TTN: variants seen among roughly 807,000 people sequenced by gnomAD.
TTN encodes titin, also known as connectin.
In TTN, 1,525 loss-of-function variants were observed where a neutral mutation model predicts 3,223.0. The ratio of observed to expected loss-of-function variants is 0.47; its 90% CI spans 0.45 to 0.49. The LOEUF (loss-of-function observed/expected upper bound fraction) is 0.49, where lower values mean the gene tolerates loss of function less well. Among genes scored for constraint, TTN ranks in the 20% least tolerant of loss-of-function variants. TTN has a pLI of 0.00. For missense variants in TTN, 40,786 were observed against 43,424.0 expected, an observed-to-expected ratio of 0.94 and a Z score of 5.40; for synonymous variants, 14,094 against 15,161.0, an observed-to-expected ratio of 0.93 and a Z score of 5.17.
intron 47 of TTN, chr2:178,746,888 TTGGG>T (rs1560975367): frequency 1.2e-6 from 2 of 1,613,532 alleles, no homozygotes; most frequent in South Asian, 2.2e-5. Context: ...AATGGCTTCA[TTGGG>T]TGTACCAAAT....
At position 178,607,549 on chromosome 2, in the gene TTN, C is replaced by T; in HGVS notation, c.53139G>A (p.Leu17713=). 1.9e-6 allele frequency: 3 copies of T among 1,613,154 alleles called. No individual in the cohort carries two copies. The highest frequency in any genetic ancestry group is 2.2e-5 in the East Asian group (1 of 44,804). ...TGTCTATTACAACACGGTCTTTATC[C>T]AGCTCCCCTTCTTCTTTGGTCCATA... ...TKVWTKEEGE[L]DKDRVVIDNV... Residue 17713 remains leucine, a synonymous_variant, in exon 277 of 363, where the codon CTG becomes CTA. Coordinates refer to ENST00000589042, the MANE Select transcript of TTN (RefSeq NM_001267550.2).
Position 178,571,022 on chromosome 2 carries a change from T to A in TTN, c.75110A>T (p.Lys25037Met). 1 of 1,612,670 alleles carries A rather than the reference T, an allele frequency of 6.2e-7. No homozygotes were observed. The highest frequency in any genetic ancestry group is 8.5e-7 in the Non-Finnish European group (1 of 1,178,882). ...CTTCTCAACAATATAACCAGTGATC[T>A]TGCTTCCACCGTCATAGGTGGGTTT... ...WKKPTYDGGS[K>M]ITGYIVEKKE... The change falls in exon 326 of 363, where the codon AAG becomes ATG. Residue 25037 changes from lysine (K) to methionine (M), a missense_variant. By Grantham distance (95) the Lys-to-Met change is moderately conservative (BLOSUM62 -1). Transcript: ENST00000589042.
Position 178,607,602 on chromosome 2 carries a change from C to A in TTN, c.53086G>T (p.Val17696Leu). ...TTTGTAGGTACAGGGCGACCAGTCA[C>A]CACAGCTGGAATTCTAAGAGTCTTC... ...AGKTLRIPAV[V>L]TGRPVPTKVW... The change falls in exon 277 of 363, where the codon GTG becomes TTG. Residue 17696 changes from valine to leucine, a missense_variant. Coordinates refer to ENST00000589042, the MANE Select transcript of TTN (RefSeq NM_001267550.2). 6.2e-7 allele frequency: 1 copy of A among 1,613,152 alleles called. No homozygotes were observed. Among genetic ancestry groups the A allele is most frequent in the Non-Finnish European group, 8.5e-7 (1 of 1,179,390 alleles).
chr2:178,711,856 A>G, intron 96 of TTN, 88 bp downstream of exon 96: 1 of 1,472,810 alleles, frequency 6.8e-7, no homozygotes, highest in Non-Finnish European at 9.0e-7. Context: ...CTTTGGAAAG[A>G]TTTTCCTAAA....
Position 178,582,200 on chromosome 2 carries a change from C to T in TTN, c.66169G>A (p.Gly22057Arg). The T allele has an allele frequency of 6.2e-7, 1 of 1,603,436 alleles. No homozygotes were observed. Among genetic ancestry groups the T allele is most frequent in the African/African-American group, 1.3e-5 (1 of 74,076 alleles). Residue 22057 changes from glycine to arginine, a missense_variant, in exon 315 of 363, where the codon GGA (glycine) becomes AGA (arginine). Gly to Arg is a moderately radical substitution (Grantham distance 125). Coordinates refer to ENST00000589042, the MANE Select transcript of TTN (RefSeq NM_001267550.2). ...AIAKNPYDPP[G>R]RCDPPVISNI... is the part of the protein sequence containing the mutation. ...CTAATAACAGGAGGATCACAGCGTC[C>T]TGGTGGGTCTGCAGAAATTGATTGA...
chr2:178,553,964 T>G lies in TTN; in HGVS notation c.89147A>C (p.Gln29716Pro), dbSNP rs1482572884. 1 of 1,610,420 alleles carries G rather than the reference T, an allele frequency of 6.2e-7. No individual in the cohort carries two copies. The highest frequency in any genetic ancestry group is 1.1e-5 in the South Asian group (1 of 90,722). Residue 29716 changes from glutamine (Q) to proline (P), a missense_variant, in exon 333 of 363, where the codon CAG becomes CCG. Transcript: ENST00000589042. ...TTCAGATGGTTCAGAAAATGGACCC[T>G]GTCCAGCAGCGTTTACAGCACAAAC... ...YRVCAVNAAG[Q>P]GPFSEPSEFY...
intron 218 of TTN, 85 bp downstream of exon 218, chr2:178,644,463 A>T (rs2061621696): frequency 2.6e-5 from 27 of 1,023,074 alleles, no homozygotes; most frequent in Non-Finnish European, 3.5e-5. Flanking sequence ...AAAAAGAGAG[A>T]CAGAACATTC....
chr2:178,548,333 A>G lies in TTN; in HGVS notation c.93293T>C (p.Val31098Ala). Residue 31098 changes from valine (V) to alanine (A), a missense_variant, in exon 339 of 363, where the codon GTT becomes GCT. Val to Ala is a moderately conservative substitution (Grantham distance 64, BLOSUM62 0). Coordinates refer to ENST00000589042, the MANE Select transcript of TTN (RefSeq NM_001267550.2). The surrounding 1 kb of genome is among the most constrained non-coding windows in gnomAD (Gnocchi z 4.3). ...FRVSAVNEYG[V>A]GEPYEMPEPI... ...TTCTGGCATTTCATAGGGCTCACCA[A>G]CACCATACTCATTTACTGCAGAAAC... 6.2e-7 allele frequency: 1 copy of G among 1,613,868 alleles called. No individual in the cohort carries two copies. The highest frequency in any genetic ancestry group is 8.5e-7 in the Non-Finnish European group (1 of 1,179,818).
At chr2:178,764,408 A>G in intron 42 of TTN, 106 bp from the exon 43 acceptor site, 1 of 1,610,786 alleles carries the variant, frequency 6.2e-7, no homozygotes, top group Non-Finnish European at 8.5e-7. Context: ...GAGTGCTTTC[A>G]AAGTTGGGTA....
rs998952554 is a variant in TTN, at chr2:178,586,445, A to G, written c.64396+60T>C. On this transcript the variant is annotated intron_variant, in intron 308 of 362. Transcript: ENST00000589042. Reference sequence around the variant, plus strand: ...ATTCCTCAGGGAGAAATGTCTACATATAAAAGAAGAAATTCTAATAAACTT... The same window carrying G: ...ATTCCTCAGGGAGAAATGTCTACATGTAAAAGAAGAAATTCTAATAAACTT... 41 of 1,578,554 alleles carry G rather than the reference A, an allele frequency of 2.6e-5. No individual in the cohort carries two copies. The African/African-American group carries it at 5.1e-4, about 20-fold the overall frequency.
Position 178,546,773 on chromosome 2 carries a change from C to G in TTN, c.94655G>C (p.Gly31552Ala). ...GTTGCACTTCAGCCAGCGACCATCT[C>G]CTACCTCACTGACTGGCTTACGCTC... is the stretch of plus-strand genomic sequence containing the variant. ...IIERKPVSEV[G>A]DGRWLKCNYT... The change falls in exon 341 of 363, where the codon GGA becomes GCA. Residue 31552 changes from glycine to alanine, a missense_variant. Transcript: ENST00000589042. The G allele has an allele frequency of 6.2e-7, 1 of 1,613,744 alleles. No homozygotes were observed. Among genetic ancestry groups the G allele is most frequent in the South Asian group, 1.1e-5 (1 of 91,078 alleles).
intron 133 of TTN, among the ~76,000 whole-genome samples, 177 bp downstream of exon 133, chr2:178,683,822 A>G (rs538295413): frequency 6.6e-6 from 1 of 152,152 alleles, no homozygotes; most frequent in African/African-American, 2.4e-5. Flanking sequence ...TTTTTTTAAG[A>G]AAAAAGTACT....
chr2:178,783,657 C>T lies in TTN; in HGVS notation c.2841+63G>A, dbSNP rs370044097. 2.4e-4 allele frequency: 331 copies of T among 1,352,294 alleles called. No individual in the cohort carries two copies. In the African/African-American group the frequency reaches 4.0e-3, roughly 16 times the overall value. 83.8% of individuals were successfully genotyped at this position (1,352,294 alleles called of 1,614,324 possible). Reference sequence around the variant, plus strand: ...AATTTGAGAAACTGATCTTTGCAAACGTGTATTAAAATGATTTGAGGAGAT... The same window carrying T: ...AATTTGAGAAACTGATCTTTGCAAATGTGTATTAAAATGATTTGAGGAGAT... On this transcript the variant is annotated intron_variant, in intron 17 of 362. Coordinates refer to ENST00000589042, the MANE Select transcript of TTN (RefSeq NM_001267550.2).
Position 178,560,147 on chromosome 2 carries a change from T to G in TTN, c.85985A>C (p.Asp28662Ala). ...PSPPSKPKIV[D>A]SGKTTITIAW... ...AATAGTTATAGTTGTCTTGCCTGAG[T>G]CCACAATTTTGGGTTTGGATGGAGG... The change falls in exon 326 of 363, where the codon GAC becomes GCC. Residue 28662 changes from aspartate to alanine, a missense_variant. By Grantham distance (126) the Asp-to-Ala change is moderately radical. Transcript: ENST00000589042. The G allele has an allele frequency of 6.2e-7, 1 of 1,613,640 alleles. No individual in the cohort carries two copies. Among genetic ancestry groups the G allele is most frequent in the South Asian group, 1.1e-5 (1 of 91,064 alleles).
In TTN at chr2:178,614,922, C is replaced by T. The variant is rs758130661; in HGVS notation, c.48685G>A (p.Val16229Met). 75 of 1,592,548 alleles carry T rather than the reference C, an allele frequency of 4.7e-5. No homozygotes were observed. The highest frequency in any genetic ancestry group is 1.8e-4 in the East Asian group (8 of 43,942). ...LEEGKWYAYR[V>M]KALNRQGASK... ...GCACCCTGCCTGTTTAAGGCCTTCACGCGGTAGGCATACCATTTGCCTTCC... is the reference window on the plus strand; with the variant it reads ...GCACCCTGCCTGTTTAAGGCCTTCATGCGGTAGGCATACCATTTGCCTTCC... The change falls in exon 260 of 363, where the codon GTG becomes ATG. Residue 16229 changes from valine (V) to methionine (M), a missense_variant. Coordinates refer to ENST00000589042, the MANE Select transcript of TTN (RefSeq NM_001267550.2).
intron 10 of TTN, 60 bp downstream of exon 10, chr2:178,792,012 C>A (rs2093530873): frequency 1.2e-5 from 19 of 1,576,324 alleles, no homozygotes; most frequent in Non-Finnish European, 1.6e-5. Flanking sequence ...AAGCTACCTG[C>A]AGCTGGCTGT....
rs1350675904 is a variant in TTN at position 178,583,153 on chromosome 2, C to T, written c.65650G>A (p.Asp21884Asn). 1.9e-6 allele frequency: 3 copies of T among 1,612,388 alleles called. No homozygotes were observed. The highest frequency in any genetic ancestry group is 2.5e-6 in the Non-Finnish European group (3 of 1,179,024). Residue 21884 changes from aspartate to asparagine, a missense_variant, in exon 313 of 363, where the codon GAT becomes AAT. By Grantham distance (23) the Asp-to-Asn change is conservative. Transcript: ENST00000589042. ...ATCGGTTTACCAAAAACAGTAGCAT[C>T]CAAGCAGACATTAGTTCCAGCTTTC... ...TVKAGTNVCL[D>N]ATVFGKPMPT...
chr2:178,635,837 G>A, intron 226 of TTN, 122 bp from the exon 227 acceptor site: 1 of 1,508,272 alleles, frequency 6.6e-7, no homozygotes, highest in Non-Finnish European at 8.9e-7. Flanking sequence ...ATCCACTGTA[G>A]GATATATTGT....
Position 178,636,606 on chromosome 2 carries a change from T to C in TTN, c.41121A>G (p.Glu13707=), listed in dbSNP as rs1260062580. The change falls in exon 225 of 363, where the codon GAA becomes GAG. Residue 13707 remains glutamate, a synonymous_variant. Transcript: ENST00000589042. This position sits in a 1 kb window ranked among gnomAD's most constrained non-coding sequence, Gnocchi z 4.3. ...SEFVGSSAIF[E]CLVSPSTAIT... ...TTGCAGTGGAAGGGGAGACCAAACATTCAAAGATTGCTGAAGAGCCAACGA... is the reference window on the plus strand; with the variant it reads ...TTGCAGTGGAAGGGGAGACCAAACACTCAAAGATTGCTGAAGAGCCAACGA... 2 of 1,613,432 alleles carry C rather than the reference T, an allele frequency of 1.2e-6. No individual in the cohort carries two copies. Among genetic ancestry groups the C allele is most frequent in the Non-Finnish European group, 1.7e-6 (2 of 1,179,576 alleles).
Sources: gnomAD v4.1 joint callset for allele counts (sites outside exome capture counted in the v4.1 genomes callset) on GRCh38, gnomAD v4.1.1 for gene constraint, Gnocchi (gnomAD v3.1) non-coding constraint, MANE v1.5 for transcripts, NCBI Gene and HGNC (gene_info 2026-07-23, HGNC 2026-07-21) for gene names.